The following PTPRM variants were observed in gnomAD, a reference collection of about 807,000 sequenced individuals.
PTPRM encodes receptor-type tyrosine-protein phosphatase mu.
Under a neutral mutation model 186.7 loss-of-function variants are expected in PTPRM, and 47 were observed. The observed-to-expected ratio is 0.25, with a 90% CI of 0.20 to 0.32. The LOEUF is 0.32. PTPRM is among the 10% of genes least tolerant of loss of function. The probability of loss-of-function intolerance (pLI) is 1.00; values close to 1 mark genes in which losing one functional copy is unlikely to be tolerated. For missense variants in PTPRM, 1,494 were observed against 1,865.0 expected (o/e 0.80, Z 3.66); for synonymous variants, 668 against 674.9 (o/e 0.99, Z 0.16).
At chr18:7,707,900 C>T (rs540836816) in intron 1 of PTPRM, among the ~76,000 whole-genome samples, 2 of 152,256 alleles carry the variant, frequency 1.3e-5, no homozygotes, top group East Asian at 1.9e-4. Context: ...AAAGTCCCTG[C>T]CACTACAATA....
intron 11 of PTPRM, among the ~76,000 whole-genome samples, chr18:8,098,798 C>T (rs879246709): frequency 1.3e-5 from 2 of 152,104 alleles, no homozygotes; most frequent in Admixed American, 6.5e-5. Context: ...TTCCATCCCC[C>T]ACAATCACTG....
In PTPRM at chr18:7,911,846, ATTTTTT is replaced by A. The variant is rs57590269; in HGVS notation, c.547+5282_547+5287del. Reference sequence around the variant, plus strand: ...TTTTTTCCAGAGTTTTATGGTTTCAATTTTTTTTTTTTTTTTTTTTTTTTGAGATGG... The same window carrying A: ...TTTTTTCCAGAGTTTTATGGTTTCAATTTTTTTTTTTTTTTTTTGAGATGG... On this transcript the variant is annotated intron_variant, in intron 4 of 32. Transcript: ENST00000580170. 5.4e-3 allele frequency among the ~76,000 whole-genome samples: 439 copies of A among 80,718 alleles called. 3 individuals carry two copies. The highest frequency in any genetic ancestry group is 0.022 in the African/African-American group (400 of 17,844). 53.0% of individuals were successfully genotyped at this position (80,718 alleles called of 152,430 possible). A position where few individuals can be genotyped will look rare whatever the true frequency, so the allele number is the denominator to read the frequency against.
At chr18:7,683,926 G>GTT (rs1175471132) in intron 1 of PTPRM, among the ~76,000 whole-genome samples, 5 of 152,058 alleles carry the variant, frequency 3.3e-5, no homozygotes, top group African/African-American at 1.2e-4. Context: ...TGAGGTTCCT[G>GTT]TTTTCTCCCT....
intron 3 of PTPRM, among the ~76,000 whole-genome samples, chr18:7,897,719 C>T (rs937852514): frequency 6.6e-6 from 1 of 152,012 alleles, no homozygotes; most frequent in Non-Finnish European, 1.5e-5. Context: ...TATTGTTTAC[C>T]ATCTTAATCT....
At chr18:8,176,576 G>C (rs577202708) in intron 14 of PTPRM, among the ~76,000 whole-genome samples, 1 of 152,294 alleles carries the variant, frequency 6.6e-6, no homozygotes, top group South Asian at 2.1e-4. Flanking sequence ...AAAGTTCTCT[G>C]TTAATAAGAG....
chr18:8,247,700 AATG>A (rs1347487426), intron 15 of PTPRM, 142 bp from the exon 16 acceptor site: 1 of 613,150 alleles, frequency 1.6e-6, no homozygotes, highest in South Asian at 2.1e-5. Flanking sequence ...AACAACTGGG[AATG>A]ATGATATTTC....
chr18:8,186,632 T>C (rs148793765), intron 14 of PTPRM, among the ~76,000 whole-genome samples: 31 of 152,278 alleles, frequency 2.0e-4, no homozygotes, highest in African/African-American at 7.0e-4. Flanking sequence ...CTCACCTCAT[T>C]TTCCACATAG....
chr18:8,145,664 A>G (rs887550062), intron 14 of PTPRM, among the ~76,000 whole-genome samples: 2 of 152,222 alleles, frequency 1.3e-5, no homozygotes, highest in African/African-American at 4.8e-5. Flanking sequence ...ATCCTTTTTT[A>G]TGGCTGCATA....
Position 8,378,351 on chromosome 18 carries a change from G to T in PTPRM, c.3549G>T (p.Leu1183=). 1 of 1,614,000 alleles carries T rather than the reference G, an allele frequency of 6.2e-7. No homozygotes were observed. The highest frequency in any genetic ancestry group is 8.5e-7 in the Non-Finnish European group (1 of 1,179,884). ...TGCCTGCTTCCCAAGTTAGGTCTCT[G>T]TATTATGACATGAACAAACTGGATC... ...TSVPASQVRS[L]YYDMNKLDPQ... The change falls in exon 27 of 33, where the codon CTG becomes CTT. Residue 1183 remains leucine (L), a synonymous_variant. Coordinates refer to ENST00000580170, the MANE Select transcript of PTPRM (RefSeq NM_001105244.2).
chr18:7,690,220 A>C (rs2039703420), intron 1 of PTPRM, among the ~76,000 whole-genome samples: 1 of 152,204 alleles, frequency 6.6e-6, no homozygotes, highest in Admixed American at 6.5e-5. Context: ...ACATAGATTC[A>C]CAATGGCCCT....
chr18:8,385,802 C>A (rs2095768323), intron 30 of PTPRM, among the ~76,000 whole-genome samples: 1 of 152,200 alleles, frequency 6.6e-6, no homozygotes. Context: ...AGCACTCTGG[C>A]ACCTGTGTTG....
intron 1 of PTPRM, among the ~76,000 whole-genome samples, chr18:7,688,059 G>A (rs1025595376): frequency 3.9e-5 from 6 of 152,082 alleles, no homozygotes; most frequent in Admixed American, 2.0e-4. Flanking sequence ...ACAGGCATGA[G>A]CCACTGTGCC....
At chr18:7,901,367 G>GT (rs568860986) in intron 3 of PTPRM, among the ~76,000 whole-genome samples, 2,333 of 149,510 alleles carry the variant, frequency 0.016, 27 homozygotes, top group South Asian at 0.035. Flanking sequence ...TGAGCTGCAT[G>GT]TTTTTTTTTT....
chr18:7,862,082 C>T (rs891117114), intron 2 of PTPRM, among the ~76,000 whole-genome samples: 1 of 152,090 alleles, frequency 6.6e-6, no homozygotes, highest in African/African-American at 2.4e-5. Context: ...CTTTGGCAGC[C>T]TGGTGGAGTC....
intron 23 of PTPRM, among the ~76,000 whole-genome samples, chr18:8,357,918 T>C (rs1453091401): frequency 6.6e-6 from 1 of 152,096 alleles, no homozygotes; most frequent in Non-Finnish European, 1.5e-5. Flanking sequence ...GAGAAAACCA[T>C]ATAACTTTTT....
At chr18:8,196,888 ATCTG>A (rs879756208) in intron 14 of PTPRM, among the ~76,000 whole-genome samples, 6 of 152,172 alleles carry the variant, frequency 3.9e-5, no homozygotes, top group Non-Finnish European at 5.9e-5. Context: ...TGGGATGTCT[ATCTG>A]TATCATACCG....
At chr18:8,336,852 C>A in intron 22 of PTPRM, among the ~76,000 whole-genome samples, 1 of 151,932 alleles carries the variant, frequency 6.6e-6, no homozygotes, top group Non-Finnish European at 1.5e-5. Context: ...TGGTGCGTGC[C>A]TGTAGTCTCA....
chr18:8,273,444 T>A (rs2147651196), intron 19 of PTPRM, among the ~76,000 whole-genome samples: 1 of 152,328 alleles, frequency 6.6e-6, no homozygotes, highest in African/African-American at 2.4e-5. Flanking sequence ...ATATGTTCCA[T>A]ACCCTCTGCT....
intron 7 of PTPRM, among the ~76,000 whole-genome samples, chr18:8,054,653 C>T (rs762153179): frequency 2.6e-5 from 4 of 151,868 alleles, no homozygotes; most frequent in Admixed American, 6.6e-5. Context: ...CTCTTGTTGT[C>T]GGCAGTCTAA....
Sources: allele counts gnomAD v4.1 joint callset (sites outside exome capture counted in the v4.1 genomes callset), GRCh38; gene constraint gnomAD v4.1.1; transcripts MANE v1.5; gene names NCBI Gene and HGNC (gene_info 2026-07-23, HGNC 2026-07-21).